Variants in TENM2 observed in about 807,000 individuals in gnomAD.
TENM2 encodes teneurin-2.
Under a neutral mutation model 245.2 loss-of-function variants are expected in TENM2, and 52 were observed. The observed-to-expected ratio is 0.21, with a 90% CI of 0.17 to 0.27. The LOEUF (loss-of-function observed/expected upper bound fraction) is 0.27, where lower values mean the gene tolerates loss of function less well. TENM2 is among the 10% of genes least tolerant of loss of function. The pLI is 1.00. For missense variants in TENM2, 3,046 were observed against 3,666.8 expected (o/e 0.83, Z 4.37); for synonymous variants, 1,363 against 1,438.9 (o/e 0.95, Z 1.19).
chr5:167,768,788 A>G (rs1188213183), intron 2 of TENM2, among the ~76,000 whole-genome samples: 2 of 152,222 alleles, frequency 1.3e-5, no homozygotes, highest in African/African-American at 4.8e-5. Context: ...TAATAAATGT[A>G]AAGCTCTTGC....
intron 2 of TENM2, among the ~76,000 whole-genome samples, chr5:167,678,968 G>A (rs919780666): frequency 6.6e-6 from 1 of 151,820 alleles, no homozygotes; most frequent in Admixed American, 6.6e-5. Context: ...CTTTATTCTC[G>A]CCATGATGAC....
rs541930891 is a variant in TENM2, at chr5:167,549,885, G to T, written c.502+174412G>T. 1.3e-4 allele frequency among the ~76,000 whole-genome samples: 20 copies of T among 152,160 alleles called. No homozygotes were observed. The South Asian group carries it at 3.7e-3, about 28-fold the overall frequency. ...TCCTCCTTTAAAACTATTGCCAGGTGTTAGCATCTTCCCTGAGTAATTTCA... is the reference window on the plus strand; with the variant it reads ...TCCTCCTTTAAAACTATTGCCAGGTTTTAGCATCTTCCCTGAGTAATTTCA... On this transcript the variant is annotated intron_variant, in intron 2 of 28. Transcript: ENST00000518659.
At chr5:167,820,662 G>A (rs570224630) in intron 2 of TENM2, among the ~76,000 whole-genome samples, 14 of 152,330 alleles carry the variant, frequency 9.2e-5, no homozygotes, top group Non-Finnish European at 1.8e-4. Context: ...CTCCGTCAAG[G>A]CCCTGAGAGC....
intron 27 of TENM2, among the ~76,000 whole-genome samples, chr5:168,250,077 T>TG: frequency 2.6e-5 from 4 of 151,926 alleles, no homozygotes; most frequent in Admixed American, 2.6e-4. Context: ...GATGGATGGC[T>TG]GACTGGATGG....
At chr5:168,094,681 G>A (rs1793215126) in intron 8 of TENM2, among the ~76,000 whole-genome samples, 1 of 151,344 alleles carries the variant, frequency 6.6e-6, no homozygotes, top group Non-Finnish European at 1.5e-5. Flanking sequence ...GGTCATGGGG[G>A]ACAGTAATAG....
At chr5:167,831,821 A>G (rs574529654) in intron 2 of TENM2, among the ~76,000 whole-genome samples, 12 of 152,262 alleles carry the variant, frequency 7.9e-5, no homozygotes, top group African/African-American at 2.9e-4. Context: ...TAAGGATGAA[A>G]TGAGTGAGTG....
chr5:168,260,198 T>A, intron 27 of TENM2, 85 bp from the exon 30 acceptor site: 1 of 1,496,370 alleles, frequency 6.7e-7, no homozygotes, highest in African/African-American at 1.4e-5. Context: ...CAACCACCCA[T>A]TTTATTTTGT....
At chr5:167,343,152 C>G (rs1197673965) in intron 1 of TENM2, among the ~76,000 whole-genome samples, 1 of 152,132 alleles carries the variant, frequency 6.6e-6, no homozygotes, top group Non-Finnish European at 1.5e-5. Context: ...GCTCCTGTGT[C>G]CCTTTGCTAT....
At chr5:167,497,390 A>C (rs904986746) in intron 2 of TENM2, among the ~76,000 whole-genome samples, 4 of 152,108 alleles carry the variant, frequency 2.6e-5, no homozygotes, top group Non-Finnish European at 5.9e-5. Context: ...TTCTCTGACA[A>C]CATAGATCCT....
At chr5:167,451,663 T>C (rs1431264726) in intron 2 of TENM2, among the ~76,000 whole-genome samples, 1 of 148,232 alleles carries the variant, frequency 6.7e-6, no homozygotes, top group Non-Finnish European at 1.5e-5. Context: ...TTTTTTTTTT[T>C]CTTGAGACGG....
Position 168,020,398 on chromosome 5 carries a change from G to A in TENM2, c.1187-27029G>A, listed in dbSNP as rs554749925. On this transcript the variant is annotated intron_variant, in intron 5 of 28. Transcript: ENST00000518659. ...TTTGCTTCTTGTGGAAGTTAATTTT[G>A]TGCTTGTTTAACATTTTTAATTGGC... Among the ~76,000 whole-genome samples the A allele has an allele frequency of 1.8e-4, 28 of 152,246 alleles. No homozygotes were observed. The South Asian group carries it at 5.4e-3, about 29-fold the overall frequency.
At chr5:167,201,409 A>G in the TENM2 span, among the ~76,000 whole-genome samples, 1 of 152,240 alleles carries the variant, frequency 6.6e-6, no homozygotes, top group Non-Finnish European at 1.5e-5. Context: ...ATGAATGGTA[A>G]TAACCAGAAA....
chr5:167,096,778 G>T, the TENM2 span, among the ~76,000 whole-genome samples: 3 of 152,182 alleles, frequency 2.0e-5, no homozygotes, highest in Non-Finnish European at 4.4e-5. Context: ...GTGATGTGGA[G>T]AAAATAATAA....
At chr5:167,585,819 T>C (rs1280040361) in intron 2 of TENM2, among the ~76,000 whole-genome samples, 1 of 152,128 alleles carries the variant, frequency 6.6e-6, no homozygotes, top group African/African-American at 2.4e-5. Flanking sequence ...TTGACAATAC[T>C]GAAAATAAGA....
At chr5:168,100,185 A>AC (rs1247409985) in intron 9 of TENM2, among the ~76,000 whole-genome samples, 12 of 152,206 alleles carry the variant, frequency 7.9e-5, no homozygotes, top group Admixed American at 7.9e-4. Context: ...ACAATGAGAT[A>AC]CCGTCTCATG....
At chr5:167,117,184 C>T in the TENM2 span, among the ~76,000 whole-genome samples, 1 of 152,192 alleles carries the variant, frequency 6.6e-6, no homozygotes, top group African/African-American at 2.4e-5. Flanking sequence ...TAAATTTTTG[C>T]TGTGACCTTT....
At chr5:168,249,317 G>A (rs1766883612) in intron 27 of TENM2, among the ~76,000 whole-genome samples, 2 of 152,064 alleles carry the variant, frequency 1.3e-5, no homozygotes, top group African/African-American at 2.4e-5. Flanking sequence ...AATAACCAAC[G>A]ATAATGCAAA....
the TENM2 span, among the ~76,000 whole-genome samples, chr5:167,121,486 G>A: frequency 6.6e-6 from 1 of 152,204 alleles, no homozygotes; most frequent in South Asian, 2.1e-4. Flanking sequence ...AGTGTTTGAG[G>A]AATAGAAAGA....
At chr5:167,114,441 A>C in the TENM2 span, among the ~76,000 whole-genome samples, 1 of 152,328 alleles carries the variant, frequency 6.6e-6, no homozygotes, top group East Asian at 1.9e-4. Flanking sequence ...AATTTACTGA[A>C]GTTTCACTTG....
Sources: gnomAD v4.1 joint callset for allele counts (sites outside exome capture counted in the v4.1 genomes callset) on GRCh38, gnomAD v4.1.1 for gene constraint, MANE v1.5 for transcripts, NCBI Gene and HGNC (gene_info 2026-07-23, HGNC 2026-07-21) for gene names.